The following KIF6 variants were observed in gnomAD, a reference collection of about 807,000 sequenced individuals.
KIF6 encodes the protein kinesin-like protein KIF6.
In KIF6, 106 loss-of-function variants were observed where a neutral mutation model predicts 112.7. The observed-to-expected ratio is 0.94, with a 90% confidence interval of 0.80 to 1.11. The LOEUF (loss-of-function observed/expected upper bound fraction) is 1.11. Ranked by LOEUF, KIF6 falls within the 50% of genes least tolerant of loss-of-function variation. The pLI is 0.00. For missense variants in KIF6, 929 were observed against 964.0 expected (o/e 0.96, Z 0.48); for synonymous variants, 339 against 339.9 (o/e 1.00, Z 0.03).
chr6:39,342,097 GCTT>G lies in KIF6; in HGVS notation c.2428+1609_2428+1611del, dbSNP rs1763352124. Among the ~76,000 whole-genome samples the G allele has an allele frequency of 6.6e-6, 1 of 152,138 alleles. No homozygotes were observed. The highest frequency in any genetic ancestry group is 1.5e-5 in the Non-Finnish European group (1 of 68,020). ...TGCTCCCTGCCCTCCAGCCACTCTA[GCTT>G]CCTTCCCACCCTGTGGCCAAGCAAA... On this transcript the variant is annotated intron_variant, in intron 22 of 22. Transcript: ENST00000287152. The surrounding 1 kb of genome is among the most constrained non-coding windows in gnomAD (Gnocchi z 4.7).
chr6:39,686,813 T>C (rs900354282), intron 3 of KIF6, among the ~76,000 whole-genome samples: 17 of 152,240 alleles, frequency 1.1e-4, no homozygotes, highest in Non-Finnish European at 2.9e-5. Flanking sequence ...GCATGTTTTT[T>C]TCTTCTTTGA....
At chr6:39,384,154 T>C (rs1767207778) in intron 16 of KIF6, among the ~76,000 whole-genome samples, 1 of 152,230 alleles carries the variant, frequency 6.6e-6, no homozygotes, top group Non-Finnish European at 1.5e-5. Flanking sequence ...CTAATTGCTC[T>C]GGCTAGGACT....
intron 5 of KIF6, among the ~76,000 whole-genome samples, chr6:39,616,933 C>T (rs1783551966): frequency 6.6e-6 from 1 of 152,144 alleles, no homozygotes; most frequent in Non-Finnish European, 1.5e-5. Context: ...CCCTCTGTCC[C>T]TCACAAATCA....
In KIF6 at chr6:39,360,505, T is replaced by C; in HGVS notation, c.1972A>G (p.Lys658Glu). The change falls in exon 18 of 23, where the codon AAA becomes GAA. Residue 658 changes from lysine (K) to glutamate (E), a missense_variant. Physicochemically the swap from Lys to Glu is moderately conservative, Grantham distance 56. Around this residue, in one of 2 missense-constraint regions of KIF6, gnomAD observed 241 missense variants for 301.4 expected, o/e 0.80. Coordinates refer to ENST00000287152, the MANE Select transcript of KIF6 (RefSeq NM_145027.6). ...TGCTCGATCTCCACCTTCAGGGCTTTCAGGCGAGTGAACATTGTTTTATAC... is the reference window on the plus strand; with the variant it reads ...TGCTCGATCTCCACCTTCAGGGCTTCCAGGCGAGTGAACATTGTTTTATAC... Reference protein sequence around the residue: ...RRYKTMFTRLKALKVEIEHLQ... With the variant: ...RRYKTMFTRLEALKVEIEHLQ... 6.2e-7 allele frequency: 1 copy of C among 1,614,246 alleles called. No homozygotes were observed.
chr6:39,468,431 T>G (rs1418812999), intron 13 of KIF6, among the ~76,000 whole-genome samples: 2 of 152,104 alleles, frequency 1.3e-5, no homozygotes, highest in African/African-American at 2.4e-5. Flanking sequence ...TACATCATAG[T>G]TAAAATGTTG....
At chr6:39,713,170 C>T (rs1298580812) in intron 3 of KIF6, among the ~76,000 whole-genome samples, 1 of 152,066 alleles carries the variant, frequency 6.6e-6, no homozygotes, top group Non-Finnish European at 1.5e-5. Flanking sequence ...ATGGTCACCG[C>T]ACACAATTAA....
chr6:39,557,405 T>G (rs865798901), intron 10 of KIF6, among the ~76,000 whole-genome samples: 15 of 152,068 alleles, frequency 9.9e-5, no homozygotes, highest in African/African-American at 3.4e-4. Flanking sequence ...TATTGAAAAC[T>G]TAAGTGTTTA....
intron 18 of KIF6, 73 bp from the exon 19 acceptor site, chr6:39,357,447 TC>T (rs376198525): frequency 2.6e-4 from 221 of 847,586 alleles, no homozygotes; most frequent in Admixed American, 6.4e-4. Flanking sequence ...TTGATGTAAT[TC>T]TTTTTTTTTT....
intron 14 of KIF6, 39 bp from the exon 15 acceptor site, chr6:39,420,042 C>T (rs759120274): frequency 2.1e-6 from 3 of 1,398,840 alleles, no homozygotes; most frequent in Non-Finnish European, 3.0e-6. Flanking sequence ...TTTTTCTGTT[C>T]ATCCTACAAG....
intron 7 of KIF6, among the ~76,000 whole-genome samples, chr6:39,593,108 A>T (rs565703370): frequency 1.2e-4 from 19 of 152,302 alleles, no homozygotes; most frequent in African/African-American, 4.6e-4. Context: ...GGCTAACATG[A>T]TAGTCCTGCC....
intron 15 of KIF6, among the ~76,000 whole-genome samples, chr6:39,419,616 A>C (rs1770202171): frequency 6.6e-6 from 1 of 152,174 alleles, no homozygotes; most frequent in Non-Finnish European, 1.5e-5. Context: ...TGAAATACGA[A>C]ATGACGTCTC....
At chr6:39,566,241 A>G (rs1780267651) in intron 10 of KIF6, among the ~76,000 whole-genome samples, 1 of 152,202 alleles carries the variant, frequency 6.6e-6, no homozygotes, top group Non-Finnish European at 1.5e-5. Context: ...CAATGAGTAC[A>G]TATTACTTAT....
intron 13 of KIF6, among the ~76,000 whole-genome samples, chr6:39,452,430 G>A (rs1159151220): frequency 6.6e-6 from 1 of 152,204 alleles, no homozygotes; most frequent in Non-Finnish European, 1.5e-5. Context: ...ACTTCATTGG[G>A]TTCACTAATG....
intron 3 of KIF6, among the ~76,000 whole-genome samples, chr6:39,677,719 TC>T (rs911268400): frequency 8.5e-6 from 1 of 117,092 alleles, no homozygotes; most frequent in African/African-American, 3.3e-5. Context: ...AGTGTGATAT[TC>T]CCCTTCCTGT....
In KIF6 at chr6:39,509,220, C is replaced by T. The variant is rs62402256; in HGVS notation, c.1645+30783G>A. Among the ~76,000 whole-genome samples the T allele has an allele frequency of 9.8e-3, 1,492 of 152,268 alleles. 13 individuals carry two copies. The highest frequency in any genetic ancestry group is 0.02 in the Middle Eastern group (6 of 294). On this transcript the variant is annotated intron_variant, in intron 13 of 22. Coordinates refer to ENST00000287152, the MANE Select transcript of KIF6 (RefSeq NM_145027.6). ...AGGACATCCACCCCAAAACCCCATC[C>T]GTAGGTCACCAACATCAAAGACCAA...
At chr6:39,586,139 T>C (rs1035868786) in intron 8 of KIF6, 122 bp downstream of exon 8, 7 of 872,906 alleles carry the variant, frequency 8.0e-6, no homozygotes, top group African/African-American at 3.4e-5. Context: ...CTCTGTAGGG[T>C]ACTGCCCTCT....
At chr6:39,690,132 T>C (rs1315001596) in intron 3 of KIF6, 1 of 152,228 alleles carries the variant, frequency 6.6e-6, no homozygotes, top group Non-Finnish European at 1.5e-5. Context: ...GGATAAACTA[T>C]ATAATGTAAC....
At chr6:39,434,242 G>T (rs950158272) in intron 13 of KIF6, among the ~76,000 whole-genome samples, 1 of 152,058 alleles carries the variant, frequency 6.6e-6, no homozygotes, top group Non-Finnish European at 1.5e-5. Context: ...TTGATTTAAA[G>T]AATTTGGAGT....
intron 18 of KIF6, among the ~76,000 whole-genome samples, chr6:39,357,719 G>A (rs556222084): frequency 1.3e-5 from 2 of 152,280 alleles, no homozygotes; most frequent in South Asian, 2.1e-4. Context: ...AAAGTGCTGG[G>A]ATTACAGGCA....
Sources: allele counts gnomAD v4.1 joint callset (sites outside exome capture counted in the v4.1 genomes callset), GRCh38; gene constraint gnomAD v4.1.1; regional missense constraint gnomAD v4.1.1; non-coding constraint Gnocchi (gnomAD v3.1); transcripts MANE v1.5; gene names NCBI Gene and HGNC (gene_info 2026-07-23, HGNC 2026-07-21).